GYG2: variants seen among roughly 807,000 people sequenced by gnomAD.
The protein encoded by GYG2 is glycogenin-2.
GYG2 carries 29 observed loss-of-function variants against 29.4 expected under a neutral mutation model. The observed-to-expected ratio is 0.99, with a 90% CI of 0.74 to 1.35. The LOEUF (loss-of-function observed/expected upper bound fraction) is 1.35, where lower values mean the gene tolerates loss of function less well. Among genes scored for constraint, GYG2 ranks in the 40% most tolerant of loss-of-function variants. The pLI, the probability that GYG2 is intolerant of heterozygous loss-of-function variation, is 0.00. For synonymous variants in GYG2, 167 were observed against 172.3 expected (o/e 0.97, Z 0.24); for missense variants, 370 against 385.7 (o/e 0.96, Z 0.34).
chrX:2,875,941 A>G (rs765143006), intron 9 of GYG2, 27 bp downstream of exon 9: 20 of 823,037 alleles, frequency 2.4e-5, no homozygotes, highest in Non-Finnish European at 3.4e-5. Flanking sequence ...TGACCTACAC[A>G]TGGCCAGCTC....
chrX:2,846,338 G>A (rs1336195581), intron 3 of GYG2, among the ~76,000 whole-genome samples: 1 of 107,744 alleles, frequency 9.3e-6, no homozygotes, highest in African/African-American at 3.4e-5. Context: ...AAGTGCCAAA[G>A]TGCTGGGATT....
At chrX:2,873,032 C>T (rs916239801) in intron 8 of GYG2, among the ~76,000 whole-genome samples, 1 of 112,231 alleles carries the variant, frequency 8.9e-6, no homozygotes, top group Non-Finnish European at 1.9e-5. Context: ...CGCTCTCTCA[C>T]TTGCTAGTTC....
At chrX:2,832,655 C>A (rs975915494) in intron 2 of GYG2, among the ~76,000 whole-genome samples, 1 of 111,787 alleles carries the variant, frequency 8.9e-6, no homozygotes, top group African/African-American at 3.3e-5. Flanking sequence ...CTGCCTCAGC[C>A]TCCTGAGTAG....
chrX:2,852,166 C>T (rs1046381003), intron 3 of GYG2, among the ~76,000 whole-genome samples: 3 of 111,404 alleles, frequency 2.7e-5, no homozygotes, highest in East Asian at 2.8e-4. Context: ...CTGAGGCAGG[C>T]GGACCACTTG....
chrX:2,862,148 C>T (rs1402673692), intron 8 of GYG2, among the ~76,000 whole-genome samples: 1 of 110,558 alleles, frequency 9.0e-6, no homozygotes, highest in Non-Finnish European at 1.9e-5. Context: ...GATTGGAAGA[C>T]GCTGGGCTGC....
At chrX:2,834,171 T>C (rs2087325410) in intron 2 of GYG2, among the ~76,000 whole-genome samples, 1 of 112,100 alleles carries the variant, frequency 8.9e-6, no homozygotes, top group Admixed American at 9.5e-5. Context: ...CTCTTCCTTC[T>C]TTGCCTTATT....
chrX:2,856,585 G>A lies in GYG2; in HGVS notation c.575G>A (p.Ser192Asn), dbSNP rs748656830. ...CACCTGCCGTTCATCTATAACTTGA[G>A]TAGTAACACGATGTACACTTACAGC... ...HKHLPFIYNL[S>N]SNTMYTYSPA... Residue 192 changes from serine to asparagine, a missense_variant, in exon 6 of 11, where the codon AGT (serine) becomes AAT (asparagine). Physicochemically the swap from Ser to Asn is conservative, Grantham distance 46. Transcript: ENST00000398806. 1 of 1,204,920 alleles carries A rather than the reference G, an allele frequency of 8.3e-7. No individual in the cohort carries two copies. The highest frequency in any genetic ancestry group is 1.1e-6 in the Non-Finnish European group (1 of 890,213).
chrX:2,856,954 G>A (rs2088016932), intron 6 of GYG2, among the ~76,000 whole-genome samples: 1 of 86,218 alleles, frequency 1.2e-5, no homozygotes, highest in South Asian at 6.4e-4. Context: ...TATAGGCCTA[G>A]ACATCTGTTT....
In GYG2 at chrX:2,859,516, GTTA is replaced by G. The variant is rs199866950; in HGVS notation, c.615-324_615-322del. 4.1e-3 allele frequency among the ~76,000 whole-genome samples: 455 copies of G among 110,358 alleles called. No homozygotes were observed. The highest frequency in any genetic ancestry group is 0.013 in the African/African-American group (407 of 30,425). On this transcript the variant is annotated intron_variant, in intron 6 of 10. Transcript: ENST00000398806. ...ATTACTACATTGATAGTAATATATT[GTTA>G]TTGATCATATATTGATTACATGCAT...
chrX:2,858,340 C>A (rs775792014), intron 6 of GYG2, among the ~76,000 whole-genome samples: 51 of 111,294 alleles, frequency 4.6e-4, no homozygotes, highest in African/African-American at 1.4e-3. Flanking sequence ...GTGTCGCACA[C>A]CGCTAGTCTC....
chrX:2,877,607 G>A lies in GYG2; in HGVS notation c.1251+300G>A, dbSNP rs745577505. 1.6e-5 allele frequency: 12 copies of A among 751,691 alleles called. No homozygotes were observed. The South Asian group carries it at 3.4e-4, about 21-fold the overall frequency. The allele number at this position is 751,691 out of a possible 1,213,427, so 61.9% of individuals were successfully genotyped here. On this transcript the variant is annotated intron_variant, in intron 10 of 10. Coordinates refer to ENST00000398806, the MANE Select transcript of GYG2 (RefSeq NM_001079855.2). ...GTTGAGGGACTGTGGAAATTAATGC[G>A]TAGCAATCCATTTTCTGAAATGAAG...
intron 7 of GYG2, 80 bp from the exon 8 acceptor site, chrX:2,861,442 G>C: frequency 1.3e-6 from 1 of 758,494 alleles, no homozygotes; most frequent in Non-Finnish European, 2.0e-6. Context: ...GGCTACACAG[G>C]GCCCCACCCG....
intron 6 of GYG2, 101 bp downstream of exon 6, chrX:2,856,725 CT>C: frequency 3.6e-6 from 2 of 551,160 alleles, no homozygotes; most frequent in Non-Finnish European, 5.8e-6. Context: ...AAAACTCTAT[CT>C]ATCTATCTAT....
chrX:2,880,951 A>T lies in GYG2; in HGVS notation c.1252-101A>T. 3 of 680,366 alleles carry T rather than the reference A, an allele frequency of 4.4e-6. No individual in the cohort carries two copies. In the Admixed American group the frequency reaches 8.8e-5, roughly 20 times the overall value. The allele number at this position is 680,366 out of a possible 1,213,427, so 56.1% of individuals were successfully genotyped here. A position where few individuals can be genotyped will look rare whatever the true frequency, so the allele number is the denominator to read the frequency against. On this transcript the variant is annotated intron_variant, in intron 10 of 10. Coordinates refer to ENST00000398806, the MANE Select transcript of GYG2 (RefSeq NM_001079855.2). ...TCGCAATCTCTTTTTGAGAACTGAG[A>T]TGCATCTTTCTGCGGGACCCTACAC...
In GYG2 at chrX:2,845,575, A is replaced by G. The variant is rs747758417; in HGVS notation, c.149+2221A>G. 5.9e-5 allele frequency among the ~76,000 whole-genome samples: 6 copies of G among 101,122 alleles called. 1 individual carries two copies. The highest frequency in any genetic ancestry group is 3.2e-4 in the East Asian group (1 of 3,151). The allele number at this position is 101,122 out of a possible 115,157, so 87.8% of individuals were successfully genotyped here. On this transcript the variant is annotated intron_variant, in intron 3 of 10. Coordinates refer to ENST00000398806, the MANE Select transcript of GYG2 (RefSeq NM_001079855.2). Reference sequence around the variant, plus strand: ...TATTTATATACACGTGTGTATACACATGTGTATATATACACATGTGTATGT... The same window carrying G: ...TATTTATATACACGTGTGTATACACGTGTGTATATATACACATGTGTATGT...
At position 2,844,782 on chromosome X, in the gene GYG2, GCA is replaced by G. The variant is rs1223624419; in HGVS notation, c.149+1429_149+1430del. On this transcript the variant is annotated intron_variant, in intron 3 of 10. Transcript: ENST00000398806. ...CACGTATGTGTATATGTACACGTAT[GCA>G]TATATATATACATGTATGTGTATAT... 1.0e-3 allele frequency among the ~76,000 whole-genome samples: 2 copies of G among 1,993 alleles called. 1 individual carries two copies. Among genetic ancestry groups the G allele is most frequent in the African/African-American group, 1.1e-3 (2 of 1,740 alleles). The allele number at this position is 1,993 out of a possible 115,157, so 1.7% of individuals were successfully genotyped here.
At chrX:2,832,542 CT>C (rs1045456616) in intron 2 of GYG2, among the ~76,000 whole-genome samples, 1 of 109,734 alleles carries the variant, frequency 9.1e-6, no homozygotes, top group Non-Finnish European at 1.9e-5. Flanking sequence ...CTAATCGCCT[CT>C]TTTTTTTTGA....
chrX:2,880,863 C>T (rs371600693), intron 10 of GYG2, among the ~76,000 whole-genome samples, 189 bp from the exon 11 acceptor site: 1 of 112,087 alleles, frequency 8.9e-6, no homozygotes, highest in Admixed American at 9.5e-5. Flanking sequence ...GCTGTGACTG[C>T]ACCACTGCAC....
intron 3 of GYG2, chrX:2,853,086 C>T: frequency 8.9e-6 from 1 of 111,817 alleles, no homozygotes; most frequent in Middle Eastern, 4.6e-3. Flanking sequence ...GCCATCTCGG[C>T]TCACTGCAAC....
Sources: allele counts gnomAD v4.1 joint callset (sites outside exome capture counted in the v4.1 genomes callset), GRCh38; gene constraint gnomAD v4.1.1; transcripts MANE v1.5; gene names NCBI Gene and HGNC (gene_info 2026-07-23, HGNC 2026-07-21).